The following CBFA2T2 variants were observed in gnomAD, a reference collection of about 807,000 sequenced individuals.
CBFA2T2 encodes CBFA2/RUNX1 partner transcriptional co-repressor 2.
Under a neutral mutation model 62.2 loss-of-function variants are expected in CBFA2T2, and 11 were observed. That is an observed-to-expected ratio of 0.18 (90% CI 0.11 to 0.29). CBFA2T2 has a LOEUF of 0.29. Ranked by LOEUF, CBFA2T2 falls within the 10% of genes least tolerant of loss-of-function variation. The probability of loss-of-function intolerance (pLI) is 1.00; values close to 1 mark genes in which losing one functional copy is unlikely to be tolerated. For synonymous variants in CBFA2T2, 295 were observed against 287.5 expected, an observed-to-expected ratio of 1.03 and a Z score of -0.27; for missense variants, 592 against 774.1, an observed-to-expected ratio of 0.76 and a Z score of 2.79.
chr20:33,497,542 G>C (rs1171258836), intron 1 of CBFA2T2, among the ~76,000 whole-genome samples: 1 of 135,964 alleles, frequency 7.4e-6, no homozygotes, highest in African/African-American at 2.8e-5. Flanking sequence ...TTTGAAGCTT[G>C]TATACTTTTT....
intron 1 of CBFA2T2, among the ~76,000 whole-genome samples, chr20:33,514,208 T>TTG (rs2011559568): frequency 8.8e-6 from 1 of 114,188 alleles, no homozygotes; most frequent in Non-Finnish European, 1.8e-5. Flanking sequence ...CTGCCTTTGT[T>TTG]TTTTTTTTTT....
At chr20:33,611,382 C>T (rs1277107446) in intron 3 of CBFA2T2, 47 bp downstream of exon 3, 2 of 1,603,576 alleles carry the variant, frequency 1.2e-6, no homozygotes, top group Admixed American at 1.7e-5. Context: ...GTATGTGGCT[C>T]AGGTCCAAAG....
intron 1 of CBFA2T2, among the ~76,000 whole-genome samples, chr20:33,560,547 G>T (rs946605866): frequency 1.4e-4 from 22 of 152,166 alleles, no homozygotes; most frequent in Non-Finnish European, 2.9e-5. Flanking sequence ...ACCTGCTGGT[G>T]TTACTATTAT....
intron 1 of CBFA2T2, among the ~76,000 whole-genome samples, chr20:33,547,186 C>T (rs928201565): frequency 5.3e-5 from 8 of 151,706 alleles, no homozygotes; most frequent in Non-Finnish European, 8.8e-5. Flanking sequence ...GGCAACAGGG[C>T]GAGACTCCGT....
At chr20:33,585,021 CTGACCTCAAACCT>C (rs2014304043) in intron 1 of CBFA2T2, among the ~76,000 whole-genome samples, 1 of 152,106 alleles carries the variant, frequency 6.6e-6, no homozygotes, top group East Asian at 1.9e-4. Context: ...TTTAGGGCTT[CTGACCTCAAACCT>C]TGTTTTTTTT....
intron 1 of CBFA2T2, among the ~76,000 whole-genome samples, chr20:33,495,435 C>T (rs970811121): frequency 2.7e-5 from 4 of 145,828 alleles, no homozygotes; most frequent in Admixed American, 1.4e-4. Context: ...TCCCTGTAAT[C>T]CCAGCACTTT....
intron 1 of CBFA2T2, among the ~76,000 whole-genome samples, chr20:33,583,758 T>C (rs2014224729): frequency 6.6e-6 from 1 of 152,168 alleles, no homozygotes; most frequent in African/African-American, 2.4e-5. Context: ...TCATCCTCAG[T>C]ACTTGACTGT....
At chr20:33,508,788 CAA>C (rs781203922) in intron 1 of CBFA2T2, among the ~76,000 whole-genome samples, 6 of 152,112 alleles carry the variant, frequency 3.9e-5, no homozygotes, top group Non-Finnish European at 8.8e-5. Context: ...ATTTATAAGA[CAA>C]GAGGGGTTTA....
chr20:33,579,816 T>A (rs2014025457), intron 1 of CBFA2T2, among the ~76,000 whole-genome samples: 1 of 103,676 alleles, frequency 9.6e-6, no homozygotes, highest in Non-Finnish European at 1.9e-5. Flanking sequence ...TCTCTCTCTC[T>A]CTTTTTTTTT....
At position 33,571,174 on chromosome 20, in the gene CBFA2T2, G is replaced by C. The variant is rs192055560; in HGVS notation, c.35-35782G>C. On this transcript the variant is annotated intron_variant, in intron 1 of 10. Transcript: ENST00000342704. ...CAAATCTTTTTAAGTGGGTCTGGAGGGGGGACAGAGAATTGGTGATTTGTC... is the reference window on the plus strand; with the variant it reads ...CAAATCTTTTTAAGTGGGTCTGGAGCGGGGACAGAGAATTGGTGATTTGTC... Among the ~76,000 whole-genome samples the C allele has an allele frequency of 2.6e-3, 400 of 152,220 alleles. 2 individuals carry two copies. Among genetic ancestry groups the C allele is most frequent in the Non-Finnish European group, 3.1e-3 (212 of 68,042 alleles).
intron 1 of CBFA2T2, among the ~76,000 whole-genome samples, chr20:33,593,006 C>T (rs2014728720): frequency 6.6e-6 from 1 of 152,110 alleles, no homozygotes; most frequent in Non-Finnish European, 1.5e-5. Context: ...TCCATCCTCC[C>T]CCATACACAC....
intron 1 of CBFA2T2, among the ~76,000 whole-genome samples, chr20:33,561,065 A>C (rs1053366099): frequency 6.6e-6 from 1 of 152,104 alleles, no homozygotes; most frequent in Non-Finnish European, 1.5e-5. Context: ...TTTAGTAGAG[A>C]CAGGGTTTCA....
intron 1 of CBFA2T2, among the ~76,000 whole-genome samples, chr20:33,534,460 G>A (rs762917129): frequency 1.7e-4 from 26 of 151,954 alleles, no homozygotes; most frequent in Non-Finnish European, 2.4e-4. Context: ...CTACAGGCAC[G>A]CGCCACCACG....
chr20:33,523,346 C>G (rs1324637750), intron 1 of CBFA2T2, among the ~76,000 whole-genome samples: 1 of 151,970 alleles, frequency 6.6e-6, no homozygotes, highest in African/African-American at 2.4e-5. Context: ...GTGGTGCAAT[C>G]TTGGCTCACT....
chr20:33,494,497 G>A (rs2146841976), intron 1 of CBFA2T2, among the ~76,000 whole-genome samples: 1 of 149,072 alleles, frequency 6.7e-6, no homozygotes, highest in South Asian at 2.1e-4. Context: ...TAGCCAGGAT[G>A]GTCTCGATCT....
chr20:33,641,106 C>T (rs1418300557), intron 10 of CBFA2T2, among the ~76,000 whole-genome samples: 3 of 151,890 alleles, frequency 2.0e-5, no homozygotes. Flanking sequence ...AATCTTGGCT[C>T]ACTGCAAGCT....
chr20:33,603,191 C>T (rs1601046100), intron 1 of CBFA2T2, among the ~76,000 whole-genome samples: 1 of 152,184 alleles, frequency 6.6e-6, no homozygotes. Flanking sequence ...TGTGGAGCTA[C>T]AGGATAGTTC....
chr20:33,490,180 A>G lies in CBFA2T2; in HGVS notation c.-88A>G. On this transcript the variant is annotated 5_prime_UTR_variant, in exon 1 of 11. Transcript: ENST00000342704. ...GATCTCGCGGCGACGCCTGCGAGGG[A>G]CCCGGGCCGCGGGTCGAGGCGGGCG... 3.4e-6 allele frequency: 4 copies of G among 1,181,200 alleles called. No individual in the cohort carries two copies. Among genetic ancestry groups the G allele is most frequent in the Non-Finnish European group, 2.1e-6 (2 of 954,300 alleles). 73.2% of individuals were successfully genotyped at this position (1,181,200 alleles called of 1,614,324 possible).
intron 1 of CBFA2T2, among the ~76,000 whole-genome samples, chr20:33,581,114 A>T (rs2014092807): frequency 6.7e-6 from 1 of 149,786 alleles, no homozygotes; most frequent in Non-Finnish European, 1.5e-5. Context: ...CCCAGGCTGG[A>T]GTGCAGTGGC....
Sources: gnomAD v4.1 joint callset for allele counts (sites outside exome capture counted in the v4.1 genomes callset) on GRCh38, gnomAD v4.1.1 for gene constraint, MANE v1.5 for transcripts, NCBI Gene and HGNC (gene_info 2026-07-23, HGNC 2026-07-21) for gene names.